The following KIAA1549L variants were observed in gnomAD, a reference collection of about 807,000 sequenced individuals.
KIAA1549L encodes the protein KIAA1549 like.
Under a neutral mutation model 160.7 loss-of-function variants are expected in KIAA1549L, and 88 were observed. That is an observed-to-expected ratio of 0.55 (90% CI 0.46 to 0.65). The LOEUF (loss-of-function observed/expected upper bound fraction) is 0.65, where lower values mean the gene tolerates loss of function less well. Ranked by LOEUF, KIAA1549L falls within the 30% of genes least tolerant of loss-of-function variation. KIAA1549L has a pLI of 0.00. For synonymous variants in KIAA1549L, 950 were observed against 976.7 expected, an observed-to-expected ratio of 0.97 and a Z score of 0.51; for missense variants, 2,258 against 2,437.5, an observed-to-expected ratio of 0.93 and a Z score of 1.55.
At chr11:33,486,376 T>C (rs891704133) in intron 1 of KIAA1549L, among the ~76,000 whole-genome samples, 1 of 152,220 alleles carries the variant, frequency 6.6e-6, no homozygotes, top group Non-Finnish European at 1.5e-5. Context: ...TCTTTTAAGA[T>C]TGATTTTGGA....
intron 1 of KIAA1549L, among the ~76,000 whole-genome samples, chr11:33,435,769 T>TATACAC (rs1851341992): frequency 4.1e-4 from 3 of 7,292 alleles, no homozygotes; most frequent in East Asian, 4.4e-3. Context: ...GATATATATA[T>TATACAC]ATATATATAT....
intron 6 of KIAA1549L, among the ~76,000 whole-genome samples, chr11:33,555,794 AAGT>A (rs1224300344): frequency 6.6e-6 from 1 of 152,228 alleles, no homozygotes; most frequent in East Asian, 1.9e-4. Flanking sequence ...ACAAAAGAAA[AAGT>A]AGGCAAATTA....
At chr11:33,505,638 T>C (rs1299690104) in intron 1 of KIAA1549L, among the ~76,000 whole-genome samples, 1 of 152,222 alleles carries the variant, frequency 6.6e-6, no homozygotes, top group East Asian at 1.9e-4. Flanking sequence ...TCCCCTGTTG[T>C]TTCTGGTCTG....
chr11:33,428,218 G>C (rs569086265), intron 1 of KIAA1549L, among the ~76,000 whole-genome samples: 2 of 152,240 alleles, frequency 1.3e-5, no homozygotes, highest in East Asian at 1.9e-4. Context: ...CCAAGTGGCT[G>C]GGCCAGTTTA....
intron 1 of KIAA1549L, among the ~76,000 whole-genome samples, chr11:33,435,796 A>ATATATATGTGTGTGTGTGTGTGTG (rs1851352931): frequency 2.9e-5 from 1 of 34,670 alleles, no homozygotes; most frequent in Non-Finnish European, 4.8e-5. Flanking sequence ...ATATATATAT[A>ATATATATGTGTGTGTGTGTGTGTG]TATATATATA....
chr11:33,445,578 T>G (rs1475539700), intron 1 of KIAA1549L, among the ~76,000 whole-genome samples: 1 of 152,224 alleles, frequency 6.6e-6, no homozygotes, highest in Non-Finnish European at 1.5e-5. Context: ...TGTCTCCAAG[T>G]AGCTTATTGA....
rs56310347 is a variant in KIAA1549L at position 33,633,139 on chromosome 11, C to CTTTTTTTTTT, written c.5410-12525_5410-12516dup. 2.0e-3 allele frequency among the ~76,000 whole-genome samples: 102 copies of CTTTTTTTTTT among 50,736 alleles called. 2 individuals carry two copies. Among genetic ancestry groups the CTTTTTTTTTT allele is most frequent in the African/African-American group, 5.0e-3 (59 of 11,778 alleles). The allele number at this position is 50,736 out of a possible 152,430, so 33.3% of individuals were successfully genotyped here. The stretch of plus-strand genomic sequence containing the variant: ...GACAGGTGCCCACCACCATGCCCAG[C>CTTTTTTTTTT]TTTTTTTTTTTTTTTTTTTTTTTTT... On this transcript the variant is annotated intron_variant, in intron 16 of 20. Coordinates refer to ENST00000658780, the MANE Select transcript of KIAA1549L (RefSeq NM_012194.3).
intron 1 of KIAA1549L, among the ~76,000 whole-genome samples, chr11:33,472,015 C>G (rs1225836116): frequency 6.6e-6 from 1 of 152,206 alleles, no homozygotes; most frequent in African/African-American, 2.4e-5. Context: ...CTCTGTTGTT[C>G]TGAGTGTTGC....
intron 1 of KIAA1549L, among the ~76,000 whole-genome samples, chr11:33,446,235 C>T (rs1288919633): frequency 6.6e-6 from 1 of 151,922 alleles, no homozygotes. Context: ...GCTGGGATTA[C>T]AGGCGTGTGC....
chr11:33,453,817 T>C (rs1403525809), intron 1 of KIAA1549L, among the ~76,000 whole-genome samples: 1 of 152,204 alleles, frequency 6.6e-6, no homozygotes, highest in East Asian at 1.9e-4. Flanking sequence ...ATTTTTTAAT[T>C]ATGCCTGAGC....
intron 1 of KIAA1549L, among the ~76,000 whole-genome samples, chr11:33,530,476 T>C (rs1853742866): frequency 9.2e-6 from 1 of 108,416 alleles, no homozygotes; most frequent in Admixed American, 1.0e-4. Context: ...TATATATATA[T>C]ATATATATGC....
chr11:33,615,237 G>T (rs377567412), intron 15 of KIAA1549L, among the ~76,000 whole-genome samples: 2 of 152,028 alleles, frequency 1.3e-5, no homozygotes, highest in Admixed American at 6.6e-5. Flanking sequence ...TGGAAGCTGG[G>T]CCTCCTCCCG....
At chr11:33,580,602 G>GAAAAGA (rs3039004) in intron 10 of KIAA1549L, among the ~76,000 whole-genome samples, 10,574 of 137,864 alleles carry the variant, frequency 0.077, 1,376 homozygotes, top group African/African-American at 0.27. Flanking sequence ...GAAAAGAAAA[G>GAAAAGA]AAAAAAAAAG....
chr11:33,626,417 G>T (rs1851114579), intron 16 of KIAA1549L, among the ~76,000 whole-genome samples: 1 of 149,904 alleles, frequency 6.7e-6, no homozygotes. Context: ...CCATTTGTTT[G>T]TATCCTCTTT....
At chr11:33,492,049 C>T (rs1254141068) in intron 1 of KIAA1549L, among the ~76,000 whole-genome samples, 1 of 152,158 alleles carries the variant, frequency 6.6e-6, no homozygotes, top group Non-Finnish European at 1.5e-5. Flanking sequence ...CCTGTGGTAC[C>T]TCTGCCCAGG....
Position 33,541,309 on chromosome 11 carries a change from T to G in KIAA1549L, c.239-493T>G, listed in dbSNP as rs182514798. Among the ~76,000 whole-genome samples, 35 of 152,368 alleles carry G rather than the reference T, an allele frequency of 2.3e-4. No homozygotes were observed. The Middle Eastern group carries it at 0.01, about 44-fold the overall frequency. On this transcript the variant is annotated intron_variant, in intron 1 of 20. Transcript: ENST00000658780. ...TGGAATCCTTTTAAATCCAGGAAGA[T>G]AAATATGTTTCATTGGAGCCATCTT...
At position 33,551,051 on chromosome 11, in the gene KIAA1549L, G is replaced by A. The variant is rs750596944; in HGVS notation, c.3513G>A (p.Leu1171=). Residue 1171 remains leucine (L), a synonymous_variant, in exon 5 of 21, where the codon CTG becomes CTA. Coordinates refer to ENST00000658780, the MANE Select transcript of KIAA1549L (RefSeq NM_012194.3). ...CATTTGTTTTGTAGGTGGACATTCT[G>A]GAATATTCTCATAATGTCACAGTTG... The part of the protein sequence containing the change: ...QNDVSAHVDI[L]EYSHNVTVGY... The A allele has an allele frequency of 6.2e-7, 1 of 1,613,680 alleles. No individual in the cohort carries two copies.
intron 1 of KIAA1549L, among the ~76,000 whole-genome samples, chr11:33,534,480 G>T (rs1395462889): frequency 6.6e-6 from 1 of 152,058 alleles, no homozygotes; most frequent in Non-Finnish European, 1.5e-5. Context: ...GAAAGTCATG[G>T]TTTTTTGGGG....
At chr11:33,556,502 A>T (rs1279791825) in intron 6 of KIAA1549L, among the ~76,000 whole-genome samples, 3 of 152,212 alleles carry the variant, frequency 2.0e-5, no homozygotes, top group Admixed American at 6.5e-5. Flanking sequence ...ATAATGGATG[A>T]TTGGAATGCA....
Sources: allele counts gnomAD v4.1 joint callset (sites outside exome capture counted in the v4.1 genomes callset), GRCh38; gene constraint gnomAD v4.1.1; transcripts MANE v1.5; gene names NCBI Gene and HGNC (gene_info 2026-07-23, HGNC 2026-07-21).